Variants in RFLNA observed in about 807,000 individuals in gnomAD.
RFLNA encodes refilin A.
In RFLNA, 5 loss-of-function variants were observed where a neutral mutation model predicts 7.8. The ratio of observed to expected loss-of-function variants is 0.64; its 90% CI spans 0.34 to 1.35. RFLNA has a LOEUF of 1.35. RFLNA is among the 40% of genes most tolerant of loss of function. RFLNA has a pLI of 0.04. For missense variants in RFLNA, 278 were observed against 305.5 expected (o/e 0.91, Z 0.67); for synonymous variants, 141 against 131.3 (o/e 1.07, Z -0.50).
chr12:124,293,660 A>G (rs2033856715), upstream of RFLNA, among the ~76,000 whole-genome samples: 1 of 152,106 alleles, frequency 6.6e-6, no homozygotes, highest in African/African-American at 2.4e-5. Context: ...TGGGCAGCAG[A>G]CTTCCAGCGT....
rs184102894 is a variant in RFLNA at position 124,289,404 on chromosome 12, G to C, written c.-37+34G>C. On this transcript the variant is annotated intron_variant, in intron 1 of 2. Coordinates refer to the RFLNA transcript ENST00000324038. This position sits in a 1 kb window ranked among gnomAD's most constrained non-coding sequence, Gnocchi z 5.0. ...AGCAGCCCCACTGTGGAGTGGGAAC[G>C]GGAGGGGCTGCGGGAAAGCCAAGCC... 2 of 152,200 alleles carry C rather than the reference G, an allele frequency of 1.3e-5. No individual in the cohort carries two copies. Among genetic ancestry groups the C allele is most frequent in the South Asian group, 2.1e-4 (1 of 4,822 alleles). The allele number at this position is 152,200 out of a possible 1,614,324, so 9.4% of individuals were successfully genotyped here.
chr12:124,312,795 AT>A (rs1371589067), intron 2 of RFLNA, among the ~76,000 whole-genome samples: 2 of 248 alleles, frequency 8.1e-3, no homozygotes, highest in African/African-American at 0.011. Context: ...CCTCCCATGC[AT>A]ATGACGCATA....
chr12:124,304,080 G>A (rs1416712413), intron 1 of RFLNA, among the ~76,000 whole-genome samples: 5 of 152,240 alleles, frequency 3.3e-5, no homozygotes, highest in East Asian at 1.9e-4. Context: ...CTTCTTGGCC[G>A]CGAGAGGCAC....
chr12:124,296,837 G>A (rs144058776), intron 1 of RFLNA, among the ~76,000 whole-genome samples: 1 of 152,226 alleles, frequency 6.6e-6, no homozygotes, highest in Non-Finnish European at 1.5e-5. Flanking sequence ...CATCAGGAGG[G>A]TTTCAGTCTC....
rs199963697 is a variant in RFLNA at position 124,314,213 on chromosome 12, C to T, written c.339C>T (p.Tyr113=). The T allele has an allele frequency of 2.3e-5, 37 of 1,612,462 alleles. No homozygotes were observed. Among genetic ancestry groups the T allele is most frequent in the Middle Eastern group, 3.3e-4 (2 of 6,058 alleles). ...CCAGCTGCAACTCTGAGGTCAAGTA[C>T]GCCTCGGAGAAGCATTTCCAGGACA... is the stretch of plus-strand genomic sequence containing the variant. ...HEIRCNSEVK[Y]ASEKHFQDKV... is the part of the protein sequence containing the mutation. Residue 113 remains tyrosine, a synonymous_variant, in exon 3 of 3, where the codon TAC becomes TAT. Coordinates refer to ENST00000546355, the MANE Select transcript of RFLNA (RefSeq NM_001365156.1).
Position 124,314,070 on chromosome 12 carries a change from G to A in RFLNA, c.318-122G>A, listed in dbSNP as rs141134804. Reference sequence around the variant, plus strand: ...ACCTTCTTGACCTTGACATTTCAGAGCAGCCCACACCCGTTAGGCTTCAGA... The same window carrying A: ...ACCTTCTTGACCTTGACATTTCAGAACAGCCCACACCCGTTAGGCTTCAGA... On this transcript the variant is annotated intron_variant, in intron 2 of 2. Coordinates refer to ENST00000546355, the MANE Select transcript of RFLNA (RefSeq NM_001365156.1). 6.3e-6 allele frequency: 8 copies of A among 1,275,008 alleles called. No individual in the cohort carries two copies. The African/African-American group carries it at 9.0e-5, about 14-fold the overall frequency. 79.0% of individuals were successfully genotyped at this position (1,275,008 alleles called of 1,614,324 possible). A position where few individuals can be genotyped will look rare whatever the true frequency, so the allele number is the denominator to read the frequency against.
intron 1 of RFLNA, among the ~76,000 whole-genome samples, chr12:124,299,997 G>A (rs569311259): frequency 3.9e-5 from 6 of 152,316 alleles, no homozygotes; most frequent in East Asian, 3.9e-4. Context: ...TGGGCAGTTC[G>A]GAGAAGTAGC....
intron 1 of RFLNA, among the ~76,000 whole-genome samples, chr12:124,304,164 C>T (rs1566325103): frequency 6.6e-6 from 1 of 152,260 alleles, no homozygotes; most frequent in Non-Finnish European, 1.5e-5. Context: ...AATAGCCCTG[C>T]AGCCAGAAAG....
chr12:124,299,525 G>C lies in RFLNA; in HGVS notation c.207+3889G>C, dbSNP rs539103291. ...ACCCTCTTCCCACCCTTTCCCCTGA[G>C]TCCCCAAAGTCCATTGTGTCATTCT... On this transcript the variant is annotated intron_variant, in intron 1 of 2. Coordinates refer to ENST00000546355, the MANE Select transcript of RFLNA (RefSeq NM_001365156.1). 5.3e-5 allele frequency among the ~76,000 whole-genome samples: 8 copies of C among 152,262 alleles called. No homozygotes were observed. The East Asian group carries it at 1.5e-3, about 29-fold the overall frequency.
chr12:124,290,572 G>A (rs564738640), upstream of RFLNA, among the ~76,000 whole-genome samples: 1 of 151,532 alleles, frequency 6.6e-6, no homozygotes, highest in East Asian at 1.9e-4. The surrounding 1 kb of genome is among the most constrained non-coding windows in gnomAD (Gnocchi z 4.0). Flanking sequence ...ACATGTATAT[G>A]TGTGTGCATA....
chr12:124,312,603 GCCCAGC>G (rs947639154), intron 2 of RFLNA, among the ~76,000 whole-genome samples: 9 of 152,136 alleles, frequency 5.9e-5, no homozygotes, highest in Admixed American at 3.3e-4. Flanking sequence ...GAGTCACCAT[GCCCAGC>G]CCCTGACAGA....
upstream of RFLNA, among the ~76,000 whole-genome samples, chr12:124,295,026 G>A (rs2033879917): frequency 6.6e-6 from 1 of 152,010 alleles, no homozygotes; most frequent in African/African-American, 2.4e-5. Context: ...CACCGCGCAG[G>A]CCGGGGCGGG....
chr12:124,292,314 C>A (rs769942843), upstream of RFLNA, among the ~76,000 whole-genome samples: 17 of 152,206 alleles, frequency 1.1e-4, no homozygotes, highest in Non-Finnish European at 1.9e-4. Flanking sequence ...GCAGACACCC[C>A]GATCTTGAAA....
chr12:124,314,890 C>T lies in RFLNA; in HGVS notation c.*365C>T, dbSNP rs1377092483. ...GCCCCGAGCAGTGTGAGGACAGAGG[C>T]ATCCCAGCCTCAGCCGGTGGGGACG... On this transcript the variant is annotated 3_prime_UTR_variant, in exon 3 of 3. Coordinates refer to ENST00000546355, the MANE Select transcript of RFLNA (RefSeq NM_001365156.1). 2 of 403,810 alleles carry T rather than the reference C, an allele frequency of 5.0e-6. No homozygotes were observed. The highest frequency in any genetic ancestry group is 2.0e-5 in the South Asian group (1 of 49,630). The allele number at this position is 403,810 out of a possible 1,614,324, so 25.0% of individuals were successfully genotyped here. A position where few individuals can be genotyped will look rare whatever the true frequency, so the allele number is the denominator to read the frequency against.
chr12:124,310,351 T>C (rs2034220502), intron 1 of RFLNA, among the ~76,000 whole-genome samples: 2 of 151,084 alleles, frequency 1.3e-5, no homozygotes, highest in Non-Finnish European at 1.5e-5. Context: ...AGGCTGAGTC[T>C]GGCGGGGAAC....
At chr12:124,294,615 G>C (rs2135669716), upstream of RFLNA, among the ~76,000 whole-genome samples, 1 of 152,118 alleles carries the variant, frequency 6.6e-6, no homozygotes, top group South Asian at 2.1e-4. Context: ...CCCACCCACA[G>C]GTTCCACCCA....
intron 1 of RFLNA, 143 bp from the exon 2 acceptor site, chr12:124,311,675 G>T (rs1593039555): frequency 2.8e-6 from 2 of 715,490 alleles, no homozygotes; most frequent in East Asian, 7.0e-5. Flanking sequence ...GCCCCACAAA[G>T]CGGCTTCCTG....
At chr12:124,301,657 AT>A (rs951251364) in intron 1 of RFLNA, among the ~76,000 whole-genome samples, 1 of 152,040 alleles carries the variant, frequency 6.6e-6, no homozygotes, top group Non-Finnish European at 1.5e-5. Context: ...GTGTACAGAG[AT>A]GGGTGTCCCC....
intron 1 of RFLNA, among the ~76,000 whole-genome samples, chr12:124,311,163 G>A (rs1390249275): frequency 1.3e-5 from 2 of 152,200 alleles, no homozygotes; most frequent in Non-Finnish European, 2.9e-5. Flanking sequence ...TTGGCCCAGT[G>A]TGGGTTACAC....
Sources: allele counts gnomAD v4.1 joint callset (sites outside exome capture counted in the v4.1 genomes callset), GRCh38; gene constraint gnomAD v4.1.1; non-coding constraint Gnocchi (gnomAD v3.1); transcripts MANE v1.5; gene names NCBI Gene and HGNC (gene_info 2026-07-23, HGNC 2026-07-21).